The following RASGRF2 variants were observed in gnomAD, a reference collection of about 807,000 sequenced individuals.
The protein encoded by RASGRF2 is Ras protein specific guanine nucleotide releasing factor 2.
In RASGRF2, 76 loss-of-function variants were observed where a neutral mutation model predicts 151.0. The ratio of observed to expected loss-of-function variants is 0.50; its 90% CI spans 0.42 to 0.61. The LOEUF is 0.61. RASGRF2 is among the 20% of genes least tolerant of loss of function. The pLI is 0.00. For synonymous variants in RASGRF2, 504 were observed against 566.5 expected (o/e 0.89, Z 1.57); for missense variants, 1,148 against 1,564.6 (o/e 0.73, Z 4.49).
chr5:81,207,165 A>G lies in RASGRF2; in HGVS notation c.2968-81A>G. 4 of 1,163,198 alleles carry G rather than the reference A, an allele frequency of 3.4e-6. No individual in the cohort carries two copies. The Middle Eastern group carries it at 8.3e-4, about 240-fold the overall frequency. The allele number at this position is 1,163,198 out of a possible 1,614,324, so 72.1% of individuals were successfully genotyped here. A position where few individuals can be genotyped will look rare whatever the true frequency, so the allele number is the denominator to read the frequency against. On this transcript the variant is annotated intron_variant, in intron 20 of 26. Coordinates refer to ENST00000265080, the MANE Select transcript of RASGRF2 (RefSeq NM_006909.3). ...GTGAACTTCATGCTTCCACACATGC[A>G]GCTGTCTGCCTCACTGACCTGCAAT...
chr5:81,139,690 T>C (rs139597087), intron 17 of RASGRF2, among the ~76,000 whole-genome samples: 77 of 152,256 alleles, frequency 5.1e-4, no homozygotes, highest in African/African-American at 1.8e-3. Context: ...AACTATACAC[T>C]GGTGATGATA....
intron 2 of RASGRF2, 64 bp downstream of exon 2, chr5:81,043,047 TTGG>T (rs1329900707): frequency 7.9e-7 from 1 of 1,262,458 alleles, no homozygotes; most frequent in Non-Finnish European, 1.1e-6. Context: ...GTTATCACTG[TTGG>T]TGGTAGTTTT....
intron 2 of RASGRF2, among the ~76,000 whole-genome samples, chr5:81,061,850 C>G (rs1751444089): frequency 6.6e-6 from 1 of 151,884 alleles, no homozygotes; most frequent in East Asian, 1.9e-4. Context: ...CCACACCCAG[C>G]TTATTTTTGT....
intron 1 of RASGRF2, among the ~76,000 whole-genome samples, chr5:81,012,622 T>C (rs1749502799): frequency 6.6e-6 from 1 of 152,088 alleles, no homozygotes; most frequent in Admixed American, 6.6e-5. Context: ...ATTCAGTGCC[T>C]GAGTGAGGGG....
chr5:81,080,444 T>C, intron 6 of RASGRF2, 152 bp from the exon 7 acceptor site: 1 of 1,032,160 alleles, frequency 9.7e-7, no homozygotes, highest in Non-Finnish European at 1.4e-6. Flanking sequence ...TGCCCATGAG[T>C]GCATTCTACC....
At chr5:81,105,700 AAAG>A (rs1345763862) in intron 12 of RASGRF2, among the ~76,000 whole-genome samples, 1 of 152,184 alleles carries the variant, frequency 6.6e-6, no homozygotes, top group African/African-American at 2.4e-5. Context: ...CTGAGAGTGA[AAAG>A]AAGTCTAAGG....
chr5:81,194,576 T>C (rs1318705014), intron 18 of RASGRF2, among the ~76,000 whole-genome samples: 1 of 152,214 alleles, frequency 6.6e-6, no homozygotes, highest in Admixed American at 6.5e-5. Context: ...GACTCTGGCA[T>C]CATCGGTGGA....
chr5:81,182,936 A>T (rs1160537811), intron 18 of RASGRF2, among the ~76,000 whole-genome samples: 1 of 152,162 alleles, frequency 6.6e-6, no homozygotes, highest in Admixed American at 6.5e-5. Context: ...CTGTCAACCA[A>T]CCCTCACCCT....
At chr5:81,149,079 A>G (rs1193647841) in intron 17 of RASGRF2, among the ~76,000 whole-genome samples, 2 of 152,220 alleles carry the variant, frequency 1.3e-5, no homozygotes, top group African/African-American at 4.8e-5. Context: ...GGAAAACAGT[A>G]TAGAGATTCC....
In RASGRF2 at chr5:81,040,618, AGGGCCAAGACCATGG is replaced by A. The variant is rs200093399; in HGVS notation, c.289-2250_289-2236del. On this transcript the variant is annotated intron_variant, in intron 1 of 26. Transcript: ENST00000265080. The stretch of plus-strand genomic sequence containing the variant: ...TTAGCTCCAACTTGGTGCCCTGCAC[AGGGCCAAGACCATGG>A]GGGCCAAGGCCCCCACCCCCTTGGA... 7.5e-3 allele frequency among the ~76,000 whole-genome samples: 1,138 copies of A among 152,348 alleles called. 11 individuals carry two copies. The highest frequency in any genetic ancestry group is 0.014 in the Non-Finnish European group (924 of 68,034).
chr5:81,208,334 GTT>G lies in RASGRF2; in HGVS notation c.3072-17_3072-16del, dbSNP rs1337775556. On this transcript the variant is annotated intron_variant, in intron 21 of 26. Coordinates refer to ENST00000265080, the MANE Select transcript of RASGRF2 (RefSeq NM_006909.3). Reference sequence around the variant, plus strand: ...TTTTTAAAAACTTAATTGGTTTTGTGTTTTGTTTTGAACTTCCAGGGAGTTTC... The same window carrying G: ...TTTTTAAAAACTTAATTGGTTTTGTGTTGTTTTGAACTTCCAGGGAGTTTC... 3 of 1,607,108 alleles carry G rather than the reference GTT, an allele frequency of 1.9e-6. No homozygotes were observed. In the Admixed American group the frequency reaches 5.0e-5, roughly 27 times the overall value.
chr5:81,042,794 C>A, intron 1 of RASGRF2, 83 bp from the exon 2 acceptor site: 1 of 933,464 alleles, frequency 1.1e-6, no homozygotes, highest in Non-Finnish European at 1.7e-6. Context: ...TAAATATGTA[C>A]CCTTTGTAGG....
intron 1 of RASGRF2, among the ~76,000 whole-genome samples, chr5:80,963,984 A>G (rs886137795): frequency 5.0e-5 from 7 of 139,622 alleles, no homozygotes; most frequent in African/African-American, 2.0e-4. Context: ...TTGGTTGACA[A>G]CAACAAAAAA....
intron 2 of RASGRF2, among the ~76,000 whole-genome samples, chr5:81,053,272 C>T (rs1178082073): frequency 6.2e-5 from 7 of 113,544 alleles, no homozygotes; most frequent in African/African-American, 2.3e-4. Flanking sequence ...TTTTCCCTCC[C>T]CCCTCCCCCC....
At chr5:81,066,575 G>C (rs1164932805) in intron 2 of RASGRF2, among the ~76,000 whole-genome samples, 2 of 152,122 alleles carry the variant, frequency 1.3e-5, no homozygotes, top group Non-Finnish European at 1.5e-5. Flanking sequence ...CAGGAGCCCA[G>C]GTAGCCATTA....
intron 2 of RASGRF2, among the ~76,000 whole-genome samples, chr5:81,056,280 C>T (rs548734728): frequency 1.5e-3 from 226 of 152,264 alleles, no homozygotes; most frequent in Middle Eastern, 6.8e-3. Context: ...TATAAATTTC[C>T]CTCTACACAC....
intron 15 of RASGRF2, among the ~76,000 whole-genome samples, chr5:81,122,967 C>G (rs1335116087): frequency 1.3e-5 from 2 of 152,136 alleles, no homozygotes; most frequent in African/African-American, 4.8e-5. Context: ...GTAGCTCTAG[C>G]TCAGAGATAC....
intron 9 of RASGRF2, among the ~76,000 whole-genome samples, chr5:81,090,042 G>A (rs774164523): frequency 3.3e-5 from 5 of 152,144 alleles, no homozygotes; most frequent in Non-Finnish European, 5.9e-5. Flanking sequence ...ATGAAATATA[G>A]GTGACTGAAT....
intron 1 of RASGRF2, among the ~76,000 whole-genome samples, chr5:81,037,186 A>G (rs1750528862): frequency 6.6e-6 from 1 of 152,296 alleles, no homozygotes; most frequent in Non-Finnish European, 1.5e-5. Context: ...GGTCCACACA[A>G]CACATGAGAA....
Sources: gnomAD v4.1 joint callset for allele counts (sites outside exome capture counted in the v4.1 genomes callset) on GRCh38, gnomAD v4.1.1 for gene constraint, MANE v1.5 for transcripts, NCBI Gene and HGNC (gene_info 2026-07-23, HGNC 2026-07-21) for gene names.